KCNT2: variants seen among roughly 807,000 people sequenced by gnomAD.
KCNT2 encodes potassium sodium-activated channel subfamily T member 2.
A neutral mutation model predicts 153.8 loss-of-function variants in KCNT2; 67 were observed. The observed-to-expected ratio is 0.44, with a 90% CI of 0.36 to 0.53. The LOEUF is 0.53. KCNT2 is among the 20% of genes least tolerant of loss of function. The pLI is 0.00. For synonymous variants in KCNT2, 500 were observed against 458.8 expected (o/e 1.09, Z -1.15); for missense variants, 975 against 1,354.8 (o/e 0.72, Z 4.40).
At chr1:196,451,217 CTTTTTTTTTTTTTT>C (rs561944079) in intron 8 of KCNT2, among the ~76,000 whole-genome samples, 1 of 63,552 alleles carries the variant, frequency 1.6e-5, no homozygotes, top group Admixed American at 2.7e-4. Flanking sequence ...ATCCCTCTTT[CTTTTTTTTTTTTTT>C]TTTTTTTTTT....
intron 26 of KCNT2, among the ~76,000 whole-genome samples, chr1:196,255,703 CCAAA>C (rs1656423383): frequency 6.6e-6 from 1 of 151,760 alleles, no homozygotes; most frequent in African/African-American, 2.4e-5. Flanking sequence ...GTTTCCATAT[CCAAA>C]CACATTTTAG....
intron 1 of KCNT2, among the ~76,000 whole-genome samples, chr1:196,546,136 A>G (rs906543755): frequency 1.3e-5 from 2 of 152,056 alleles, no homozygotes; most frequent in Non-Finnish European, 2.9e-5. Context: ...GCACCAAACA[A>G]TTTTATGAGA....
At position 196,317,146 on chromosome 1, in the gene KCNT2, ACT is replaced by A. The variant is rs1662808301; in HGVS notation, c.2349-1122_2349-1121del. On this transcript the variant is annotated intron_variant, in intron 20 of 27. Coordinates refer to ENST00000294725, the MANE Select transcript of KCNT2 (RefSeq NM_198503.5). ...GGGAAGGCGGGAGGCAGGATTTCTT[ACT>A]CTGTTATTAGGCGACAGGGTATTAC... 3.1e-5 allele frequency: 9 copies of A among 289,326 alleles called. No homozygotes were observed. In the Admixed American group the frequency reaches 3.5e-4, roughly 11 times the overall value. 17.9% of individuals were successfully genotyped at this position (289,326 alleles called of 1,614,324 possible). A position where few individuals can be genotyped will look rare whatever the true frequency, so the allele number is the denominator to read the frequency against.
intron 25 of KCNT2, among the ~76,000 whole-genome samples, chr1:196,279,323 T>C (rs1477191765): frequency 6.6e-6 from 1 of 152,186 alleles, no homozygotes; most frequent in Admixed American, 6.5e-5. Flanking sequence ...TGATTTTCTC[T>C]TGATTTGTCT....
In KCNT2 at chr1:196,358,515, T is replaced by C. The variant is rs1667357668; in HGVS notation, c.1403+14625A>G. On this transcript the variant is annotated intron_variant, in intron 14 of 27. Coordinates refer to ENST00000294725, the MANE Select transcript of KCNT2 (RefSeq NM_198503.5). ...AAGATTTTATTCCTTTGAATAATCA[T>C]CACCACCCTTTATAATACTTCAAAA... Among the ~76,000 whole-genome samples, 9 of 152,032 alleles carry C rather than the reference T, an allele frequency of 5.9e-5. No homozygotes were observed. In the South Asian group the frequency reaches 1.9e-3, roughly 32 times the overall value.
chr1:196,303,078 G>T (rs959859809), intron 22 of KCNT2, among the ~76,000 whole-genome samples: 2 of 150,702 alleles, frequency 1.3e-5, no homozygotes, highest in East Asian at 1.9e-4. Flanking sequence ...ATTTTCTTTA[G>T]AAAACTTGTA....
intron 1 of KCNT2, among the ~76,000 whole-genome samples, chr1:196,554,588 C>G (rs769369210): frequency 1.9e-4 from 28 of 151,204 alleles, no homozygotes; most frequent in Non-Finnish European, 3.4e-4. Flanking sequence ...CAATCCTACT[C>G]AAACTGCCCT....
intron 25 of KCNT2, among the ~76,000 whole-genome samples, chr1:196,271,550 A>G (rs1289432132): frequency 1.3e-5 from 2 of 152,060 alleles, no homozygotes; most frequent in East Asian, 1.9e-4. Flanking sequence ...TAAAGTAGGT[A>G]AATAATGAAA....
chr1:196,294,338 C>T lies in KCNT2; in HGVS notation c.2596-8580G>A, dbSNP rs139117087. Reference sequence around the variant, plus strand: ...GTCGCCAGGCTAGAGTGCAGTGGTGCGATCTCAGCTCATTGCAACCTCCAA... The same window carrying T: ...GTCGCCAGGCTAGAGTGCAGTGGTGTGATCTCAGCTCATTGCAACCTCCAA... On this transcript the variant is annotated intron_variant, in intron 22 of 27. Coordinates refer to ENST00000294725, the MANE Select transcript of KCNT2 (RefSeq NM_198503.5). Among the ~76,000 whole-genome samples the T allele has an allele frequency of 6.1e-3, 921 of 152,192 alleles. 12 individuals carry two copies. Among genetic ancestry groups the T allele is most frequent in the African/African-American group, 0.021 (870 of 41,510 alleles).
intron 25 of KCNT2, among the ~76,000 whole-genome samples, chr1:196,275,583 C>T (rs1658490001): frequency 6.6e-6 from 1 of 151,800 alleles, no homozygotes; most frequent in Non-Finnish European, 1.5e-5. Flanking sequence ...CTCCCACAGC[C>T]AAAGCAGTTA....
chr1:196,516,955 T>A (rs1682107440), intron 1 of KCNT2, among the ~76,000 whole-genome samples: 1 of 152,088 alleles, frequency 6.6e-6, no homozygotes, highest in Non-Finnish European at 1.5e-5. Context: ...ATTGGGTGGG[T>A]CCTCCCAGCC....
At chr1:196,492,231 C>T (rs372868711) in intron 2 of KCNT2, 31 bp downstream of exon 2, 119 of 1,379,772 alleles carry the variant, frequency 8.6e-5, no homozygotes, top group Non-Finnish European at 1.1e-4. Flanking sequence ...AATATATGTA[C>T]GAACAGAGGG....
At chr1:196,402,421 G>A (rs1268994967) in intron 12 of KCNT2, among the ~76,000 whole-genome samples, 1 of 151,492 alleles carries the variant, frequency 6.6e-6, no homozygotes, top group East Asian at 1.9e-4. Flanking sequence ...AGGAATAAAT[G>A]CAAGTTTATA....
intron 12 of KCNT2, 104 bp from the exon 13 acceptor site, chr1:196,398,775 C>G: frequency 1.7e-6 from 1 of 575,026 alleles, no homozygotes. Flanking sequence ...ATAGTTAAAA[C>G]TTAAACATAA....
At chr1:196,277,853 A>T (rs147067701) in intron 25 of KCNT2, among the ~76,000 whole-genome samples, 1 of 152,132 alleles carries the variant, frequency 6.6e-6, no homozygotes, top group African/African-American at 2.4e-5. Flanking sequence ...ATCTTAAAAA[A>T]ATAATGTTTT....
rs1325013421 is a variant in KCNT2 at position 196,315,961 on chromosome 1, C to T, written c.2414G>A (p.Ser805Asn). The change falls in exon 21 of 28, where the codon AGC becomes AAC. Residue 805 changes from serine to asparagine, a missense_variant. Ser to Asn is a conservative substitution (Grantham distance 46). Around this residue, in one of 6 missense-constraint regions of KCNT2, gnomAD observed 66 missense variants for 147.9 expected, o/e 0.45. Coordinates refer to ENST00000294725, the MANE Select transcript of KCNT2 (RefSeq NM_198503.5). ...GTAGTCTTCCTCGGCACTCATGGTGCTCTCTTTATCCACAACCACCATATT... is the reference window on the plus strand; with the variant it reads ...GTAGTCTTCCTCGGCACTCATGGTGTTCTCTTTATCCACAACCACCATATT... Reference protein sequence around the residue: ...AANMVVVDKESTMSAEEDYMA... With the variant: ...AANMVVVDKENTMSAEEDYMA... 1 of 1,610,162 alleles carries T rather than the reference C, an allele frequency of 6.2e-7. No homozygotes were observed. The highest frequency in any genetic ancestry group is 8.5e-7 in the Non-Finnish European group (1 of 1,177,428).
At chr1:196,239,464 A>G (rs1349599871) in intron 26 of KCNT2, among the ~76,000 whole-genome samples, 2 of 151,986 alleles carry the variant, frequency 1.3e-5, no homozygotes, top group Non-Finnish European at 2.9e-5. Flanking sequence ...ATTAAACAAA[A>G]ATCTTCAAAT....
chr1:196,467,066 A>C (rs2148664410), intron 7 of KCNT2, among the ~76,000 whole-genome samples: 1 of 152,028 alleles, frequency 6.6e-6, no homozygotes, highest in East Asian at 1.9e-4. Flanking sequence ...ATCTTAGGAA[A>C]CCCCACAGAT....
intron 1 of KCNT2, among the ~76,000 whole-genome samples, chr1:196,500,999 G>A (rs1376553561): frequency 6.6e-6 from 1 of 152,120 alleles, no homozygotes; most frequent in Non-Finnish European, 1.5e-5. Context: ...AAATCACAAT[G>A]AGATACCACC....
Sources: allele counts gnomAD v4.1 joint callset (sites outside exome capture counted in the v4.1 genomes callset), GRCh38; gene constraint gnomAD v4.1.1; regional missense constraint gnomAD v4.1.1; transcripts MANE v1.5; gene names NCBI Gene and HGNC (gene_info 2026-07-23, HGNC 2026-07-21).